Variants in PLAC9 observed in about 807,000 individuals in gnomAD.
The protein encoded by PLAC9 is placenta-specific protein 9.
PLAC9 carries 12 observed loss-of-function variants against 11.5 expected under a neutral mutation model. The ratio of observed to expected loss-of-function variants is 1.05; its 90% CI spans 0.67 to 1.69. The LOEUF (loss-of-function observed/expected upper bound fraction) is 1.69. Among genes scored for constraint, PLAC9 ranks in the 40% most tolerant of loss-of-function variants. The pLI is 0.00. For synonymous variants in PLAC9, 62 were observed against 58.1 expected, an observed-to-expected ratio of 1.07 and a Z score of -0.31; for missense variants, 132 against 130.5, an observed-to-expected ratio of 1.01 and a Z score of -0.06.
chr10:80,144,878 G>C (rs771929785), intron 3 of PLAC9, 22 bp from the exon 4 acceptor site: 4 of 1,568,320 alleles, frequency 2.6e-6, no homozygotes, highest in Admixed American at 1.9e-5. Context: ...CTTGCTCACT[G>C]GGGGCCTCTG....
At chr10:80,141,430 C>A (rs1845039006) in intron 1 of PLAC9, among the ~76,000 whole-genome samples, 1 of 152,076 alleles carries the variant, frequency 6.6e-6, no homozygotes, top group African/African-American at 2.4e-5. Context: ...GAAACCCTGT[C>A]TCTGCTAAAA....
At chr10:80,144,803 G>C in intron 3 of PLAC9, 97 bp from the exon 4 acceptor site, 1 of 1,281,896 alleles carries the variant, frequency 7.8e-7, no homozygotes, top group Non-Finnish European at 1.1e-6. Context: ...TAGTTCCTGG[G>C]GGCCGGGGAG....
At chr10:80,141,657 C>G (rs1215521973) in intron 1 of PLAC9, among the ~76,000 whole-genome samples, 1 of 152,020 alleles carries the variant, frequency 6.6e-6, no homozygotes, top group Non-Finnish European at 1.5e-5. Context: ...TTTATTAAAG[C>G]CCCTGGGTTA....
At chr10:80,144,610 G>A (rs920878394) in intron 3 of PLAC9, among the ~76,000 whole-genome samples, 3 of 151,192 alleles carry the variant, frequency 2.0e-5, no homozygotes, top group Non-Finnish European at 4.4e-5. Flanking sequence ...ACCCCTGCGC[G>A]GAGAAACTGC....
chr10:80,136,538 C>T (rs1194369596), intron 1 of PLAC9, among the ~76,000 whole-genome samples: 2 of 152,296 alleles, frequency 1.3e-5, no homozygotes, highest in East Asian at 1.9e-4. Flanking sequence ...GTGGTGCAAT[C>T]GTAGCTGACT....
intron 1 of PLAC9, among the ~76,000 whole-genome samples, chr10:80,136,656 T>TTTTATTTATTTATTTATTTA (rs138774775): frequency 5.5e-5 from 8 of 146,410 alleles, no homozygotes; most frequent in African/African-American, 2.0e-4. Flanking sequence ...TTAATTTTTA[T>TTTTATTTATTTATTTATTTA]TTTATTTATT....
chr10:80,133,131 A>G (rs1564587034), intron 1 of PLAC9, among the ~76,000 whole-genome samples: 1 of 152,222 alleles, frequency 6.6e-6, no homozygotes, highest in East Asian at 1.9e-4. Context: ...AGAAAGAAAA[A>G]GGAGTTTGAG....
chr10:80,132,875 G>T (rs527910090), intron 1 of PLAC9, 49 bp downstream of exon 1: 1 of 1,415,876 alleles, frequency 7.1e-7, no homozygotes, highest in Non-Finnish European at 9.3e-7. Flanking sequence ...GGGGAGACCC[G>T]CAGATGGCGA....
At chr10:80,140,151 C>T (rs1171856950) in intron 1 of PLAC9, among the ~76,000 whole-genome samples, 1 of 152,082 alleles carries the variant, frequency 6.6e-6, no homozygotes, top group Non-Finnish European at 1.5e-5. Flanking sequence ...TCAGGAAGTT[C>T]ATCCTTGGGT....
chr10:80,137,039 A>G (rs545562090), intron 1 of PLAC9, among the ~76,000 whole-genome samples: 1 of 152,368 alleles, frequency 6.6e-6, no homozygotes, highest in East Asian at 1.9e-4. Context: ...GATGCGTTCA[A>G]GTCAGCGCTG....
intron 1 of PLAC9, among the ~76,000 whole-genome samples, chr10:80,133,197 G>A (rs1422376208): frequency 2.0e-5 from 3 of 152,200 alleles, no homozygotes; most frequent in African/African-American, 4.8e-5. Context: ...GGGGTGGAGG[G>A]AGAGAGGATA....
chr10:80,133,659 T>C (rs745530239), intron 1 of PLAC9, among the ~76,000 whole-genome samples: 1 of 152,184 alleles, frequency 6.6e-6, no homozygotes, highest in Non-Finnish European at 1.5e-5. Flanking sequence ...GGTACTCCAT[T>C]AGCTGGGTTC....
At chr10:80,144,864 C>T (rs778330049) in intron 3 of PLAC9, 36 bp from the exon 4 acceptor site, 2 of 1,557,384 alleles carry the variant, frequency 1.3e-6, no homozygotes, top group South Asian at 2.4e-5. Context: ...CTGCGGCACC[C>T]CAGCTTGCTC....
At chr10:80,144,439 G>A (rs1845077439) in intron 3 of PLAC9, 96 bp downstream of exon 3, 1 of 1,429,432 alleles carries the variant, frequency 7.0e-7, no homozygotes, top group Non-Finnish European at 9.2e-7. Flanking sequence ...CACAGGTGTA[G>A]CCTGGCTGGC....
chr10:80,134,692 T>C (rs2784766), intron 1 of PLAC9, among the ~76,000 whole-genome samples: 78,260 of 152,064 alleles, frequency 0.51, 21,196 homozygotes, highest in Non-Finnish European at 0.6. Context: ...TCATTAAATA[T>C]TCAATCACTG....
chr10:80,134,344 A>G (rs1438003028), intron 1 of PLAC9, among the ~76,000 whole-genome samples: 1 of 150,550 alleles, frequency 6.6e-6, no homozygotes, highest in African/African-American at 2.4e-5. Flanking sequence ...GCTCACTGCA[A>G]CCTCCGTCTC....
At chr10:80,134,570 C>A (rs1844952216) in intron 1 of PLAC9, among the ~76,000 whole-genome samples, 1 of 152,038 alleles carries the variant, frequency 6.6e-6, no homozygotes, top group African/African-American at 2.4e-5. Flanking sequence ...GGCCTGGCAT[C>A]ATGTATTTTC....
At position 80,132,773 on chromosome 10, in the gene PLAC9, T is replaced by C; in HGVS notation, c.11T>C (p.Leu4Pro). 4 of 1,488,836 alleles carry C rather than the reference T, an allele frequency of 2.7e-6. No homozygotes were observed. The highest frequency in any genetic ancestry group is 3.5e-6 in the Non-Finnish European group (4 of 1,127,348). The allele number at this position is 1,488,836 out of a possible 1,614,324, so 92.2% of individuals were successfully genotyped here. Residue 4 changes from leucine to proline, a missense_variant, in exon 1 of 4, where the codon CTG becomes CCG. By Grantham distance (98) the Leu-to-Pro change is moderately conservative (BLOSUM62 -3). Transcript: ENST00000372263. MRP[L>P]LCALTGLALL... The stretch of plus-strand genomic sequence containing the variant: ...GGCCAGGCCGGCACCATGCGGCCCC[T>C]GCTCTGCGCGCTGACCGGACTGGCC...
chr10:80,141,966 C>G (rs745182), intron 1 of PLAC9, 116 bp from the exon 2 acceptor site: 1 of 648,166 alleles, frequency 1.5e-6, no homozygotes, highest in East Asian at 3.3e-5. Flanking sequence ...GGCCGTCCTC[C>G]GCTTGCTCCT....
Sources: allele counts gnomAD v4.1 joint callset (sites outside exome capture counted in the v4.1 genomes callset), GRCh38; gene constraint gnomAD v4.1.1; transcripts MANE v1.5; gene names NCBI Gene and HGNC (gene_info 2026-07-23, HGNC 2026-07-21).